Variants in GLT8D2 observed in about 807,000 individuals in gnomAD.
GLT8D2 encodes glycosyltransferase 8 domain containing 2.
In GLT8D2, 45 loss-of-function variants were observed where a neutral mutation model predicts 44.5. The observed-to-expected ratio is 1.01, with a 90% CI of 0.80 to 1.30. GLT8D2 has a LOEUF of 1.30. Ranked by LOEUF, GLT8D2 falls within the 50% of genes most tolerant of loss-of-function variation. GLT8D2 has a pLI of 0.00. For missense variants in GLT8D2, 400 were observed against 430.4 expected (o/e 0.93, Z 0.62); for synonymous variants, 156 against 157.2 (o/e 0.99, Z 0.06).
intron 1 of GLT8D2, among the ~76,000 whole-genome samples, chr12:104,043,474 T>G (rs1880777032): frequency 6.6e-6 from 1 of 152,162 alleles, no homozygotes; most frequent in Admixed American, 6.6e-5. Context: ...TTAGTTTTTA[T>G]TTTTATTTTT....
At chr12:104,009,512 G>A (rs1875536780) in intron 4 of GLT8D2, among the ~76,000 whole-genome samples, 1 of 152,222 alleles carries the variant, frequency 6.6e-6, no homozygotes. Flanking sequence ...AACTTGCCTT[G>A]TTTCAGATGG....
chr12:104,004,149 A>AG (rs1306587290), intron 4 of GLT8D2, among the ~76,000 whole-genome samples: 1 of 152,312 alleles, frequency 6.6e-6, no homozygotes, highest in East Asian at 1.9e-4. Flanking sequence ...TATCAATAGA[A>AG]GCAGAAAAGG....
chr12:103,997,674 A>G (rs1873629337), intron 6 of GLT8D2, 139 bp from the exon 7 acceptor site: 1 of 633,908 alleles, frequency 1.6e-6, no homozygotes, highest in African/African-American at 1.8e-5. Flanking sequence ...AGCTAGCAAG[A>G]TGTCTCATCT....
chr12:104,061,875 C>T (rs1209599984), intron 1 of GLT8D2, among the ~76,000 whole-genome samples: 1 of 150,214 alleles, frequency 6.7e-6, no homozygotes, highest in Non-Finnish European at 1.5e-5. Context: ...ACTCAGGAGG[C>T]TGAGGCAGGA....
chr12:104,063,837 G>C (rs1192881749), intron 1 of GLT8D2: 2 of 152,290 alleles, frequency 1.3e-5, no homozygotes, highest in African/African-American at 2.4e-5. Context: ...TAATACACAT[G>C]AGGCACTTAG....
At chr12:103,993,295 C>T in intron 10 of GLT8D2, 97 bp downstream of exon 10, 1 of 911,932 alleles carries the variant, frequency 1.1e-6, no homozygotes. Context: ...CACGCCATTG[C>T]ACTCCAGCCT....
rs754194024 is a variant in GLT8D2, at chr12:104,013,325, CTTTTA to C, written c.112+1683_112+1687del. On this transcript the variant is annotated intron_variant, in intron 4 of 10. Transcript: ENST00000360814. ...ATATATGGTCTTTCAGGTCTGACTT[CTTTTA>C]TTTAGCATAGTTTTTTTTCAGGTTC... is the stretch of plus-strand genomic sequence containing the variant. 6.6e-5 allele frequency among the ~76,000 whole-genome samples: 10 copies of C among 152,086 alleles called. No homozygotes were observed. In the East Asian group the frequency reaches 1.2e-3, roughly 18 times the overall value.
chr12:104,000,732 G>A (rs533077105), intron 5 of GLT8D2, among the ~76,000 whole-genome samples: 1 of 152,074 alleles, frequency 6.6e-6, no homozygotes, highest in African/African-American at 2.4e-5. Flanking sequence ...GATAGTTAAT[G>A]GGCTGTTAAC....
At chr12:104,034,863 A>G (rs925620511) in intron 1 of GLT8D2, among the ~76,000 whole-genome samples, 1 of 152,234 alleles carries the variant, frequency 6.6e-6, no homozygotes, top group Non-Finnish European at 1.5e-5. Context: ...ACCCCCATGT[A>G]GCCTAACTGG....
rs186142634 is a variant in GLT8D2 at position 104,013,939 on chromosome 12, T to C, written c.112+1074A>G. Among the ~76,000 whole-genome samples the C allele has an allele frequency of 3.4e-4, 51 of 152,092 alleles. No individual in the cohort carries two copies. In the East Asian group the frequency reaches 8.5e-3, roughly 25 times the overall value. On this transcript the variant is annotated intron_variant, in intron 4 of 10. Coordinates refer to ENST00000360814, the MANE Select transcript of GLT8D2 (RefSeq NM_001384711.1). ...GTGTGCATGCAGATGGGGTCTTGCT[T>C]TGTTGCCTAGGCTGGGCTGGTCTCA...
At chr12:104,031,627 C>T in intron 1 of GLT8D2, 1 of 1,350,088 alleles carries the variant, frequency 7.4e-7, no homozygotes, top group South Asian at 1.2e-5. Flanking sequence ...ACATGTCACA[C>T]TGACCACATC....
chr12:104,013,471 G>A (rs1295834292), intron 4 of GLT8D2, among the ~76,000 whole-genome samples: 1 of 151,968 alleles, frequency 6.6e-6, no homozygotes, highest in Non-Finnish European at 1.5e-5. Context: ...CATGTGAATT[G>A]TTTCCAGTTT....
chr12:104,055,572 G>A (rs1393774998), intron 1 of GLT8D2, among the ~76,000 whole-genome samples: 3 of 152,154 alleles, frequency 2.0e-5, no homozygotes. Context: ...CAATATGTAT[G>A]CATTTCACAT....
At chr12:104,020,878 G>T (rs1877536318) in intron 2 of GLT8D2, among the ~76,000 whole-genome samples, 1 of 152,180 alleles carries the variant, frequency 6.6e-6, no homozygotes, top group Non-Finnish European at 1.5e-5. Context: ...GGAGAGACTG[G>T]ATGGAAGAGG....
At chr12:104,003,449 T>C in intron 4 of GLT8D2, 143 bp from the exon 5 acceptor site, 1 of 746,432 alleles carries the variant, frequency 1.3e-6, no homozygotes, top group South Asian at 1.8e-5. Flanking sequence ...TCATTCTGTC[T>C]TCCCTTAGAA....
At chr12:104,022,530 A>AT (rs1168650324) in intron 1 of GLT8D2, among the ~76,000 whole-genome samples, 6 of 152,034 alleles carry the variant, frequency 3.9e-5, no homozygotes, top group African/African-American at 7.2e-5. Flanking sequence ...AAAAAGGGAG[A>AT]TTTTTTTCAG....
intron 4 of GLT8D2, among the ~76,000 whole-genome samples, chr12:104,012,188 AAAT>A (rs558623285): frequency 0.049 from 4,286 of 87,456 alleles, 43 homozygotes; most frequent in Middle Eastern, 0.071. Context: ...AAAAAAAAAA[AAAT>A]ATATATATAT....
chr12:104,009,294 C>T (rs369657682), intron 4 of GLT8D2, among the ~76,000 whole-genome samples: 7 of 152,190 alleles, frequency 4.6e-5, no homozygotes, highest in South Asian at 2.1e-4. Context: ...GACCTGGATG[C>T]GAGACCTGGA....
chr12:104,031,086 C>A (rs558054306), intron 1 of GLT8D2: 12 of 804,084 alleles, frequency 1.5e-5, no homozygotes, highest in Middle Eastern at 3.3e-4. Flanking sequence ...AAAGCAGAAA[C>A]TGCTGCAAAG....
Sources: gnomAD v4.1 joint callset for allele counts (sites outside exome capture counted in the v4.1 genomes callset) on GRCh38, gnomAD v4.1.1 for gene constraint, MANE v1.5 for transcripts, NCBI Gene and HGNC (gene_info 2026-07-23, HGNC 2026-07-21) for gene names.